PXDNL: variants seen among roughly 807,000 people sequenced by gnomAD.
The protein encoded by PXDNL is peroxidasin like.
PXDNL carries 145 observed loss-of-function variants against 150.8 expected under a neutral mutation model. That is an observed-to-expected ratio of 0.96 (90% CI 0.84 to 1.10). PXDNL has a LOEUF of 1.10. Ranked by LOEUF, PXDNL falls within the 50% of genes least tolerant of loss-of-function variation. The pLI, the probability that PXDNL is intolerant of heterozygous loss-of-function variation, is 0.00. For missense variants in PXDNL, 2,087 were observed against 1,873.9 expected (o/e 1.11, Z -2.10); for synonymous variants, 757 against 725.7 (o/e 1.04, Z -0.69).
chr8:51,380,775 A>G (rs548945250), intron 17 of PXDNL, among the ~76,000 whole-genome samples: 65 of 152,232 alleles, frequency 4.3e-4, no homozygotes, highest in Non-Finnish European at 6.3e-4. Context: ...TATTTTTGAG[A>G]TGTTCTTTAT....
chr8:51,507,314 C>T (rs957627337), intron 4 of PXDNL, among the ~76,000 whole-genome samples: 5 of 152,126 alleles, frequency 3.3e-5, no homozygotes, highest in African/African-American at 1.2e-4. Flanking sequence ...CAGTACTGAC[C>T]TAGATGCAAA....
intron 1 of PXDNL, among the ~76,000 whole-genome samples, chr8:51,796,777 C>T (rs555810165): frequency 6.6e-6 from 1 of 152,184 alleles, no homozygotes; most frequent in African/African-American, 2.4e-5. Context: ...TCTTCTGAAA[C>T]TATTCCAAAC....
At chr8:51,608,549 T>C (rs1042056698) in intron 2 of PXDNL, among the ~76,000 whole-genome samples, 4 of 146,398 alleles carry the variant, frequency 2.7e-5, no homozygotes, top group African/African-American at 1.1e-4. Context: ...AAAGAGAAAG[T>C]ATTGCAGGCC....
At chr8:51,564,204 T>C (rs987410024) in intron 3 of PXDNL, among the ~76,000 whole-genome samples, 1 of 151,962 alleles carries the variant, frequency 6.6e-6, no homozygotes, top group African/African-American at 2.4e-5. Context: ...GCAACAAAAG[T>C]ATATGACACA....
At chr8:51,363,680 A>G (rs1806826531) in intron 19 of PXDNL, among the ~76,000 whole-genome samples, 1 of 152,060 alleles carries the variant, frequency 6.6e-6, no homozygotes, top group Admixed American at 6.5e-5. Flanking sequence ...ATGTCTGTGG[A>G]TTTCATTTCT....
At chr8:51,614,131 G>GAATT (rs943774768) in intron 2 of PXDNL, among the ~76,000 whole-genome samples, 5 of 152,140 alleles carry the variant, frequency 3.3e-5, no homozygotes, top group Non-Finnish European at 7.3e-5. Context: ...ATAACTTTCA[G>GAATT]AATTATAGAA....
chr8:51,433,456 G>A (rs1347179691), intron 12 of PXDNL, among the ~76,000 whole-genome samples: 1 of 151,784 alleles, frequency 6.6e-6, no homozygotes, highest in African/African-American at 2.4e-5. Flanking sequence ...GGAGTCAGTG[G>A]GGCAATATTT....
chr8:51,623,088 A>G (rs543945176), intron 2 of PXDNL, among the ~76,000 whole-genome samples: 1 of 152,162 alleles, frequency 6.6e-6, no homozygotes. Flanking sequence ...TTAAAATTTC[A>G]ATTTTCAGTT....
At chr8:51,479,029 T>C (rs1273811934) in intron 6 of PXDNL, among the ~76,000 whole-genome samples, 1 of 152,240 alleles carries the variant, frequency 6.6e-6, no homozygotes, top group Non-Finnish European at 1.5e-5. Context: ...GTAAGGTGCA[T>C]ACTGGCACAT....
At position 51,536,815 on chromosome 8, in the gene PXDNL, C is replaced by G. The variant is rs113828653; in HGVS notation, c.380+20025G>C. 2.0e-3 allele frequency among the ~76,000 whole-genome samples: 303 copies of G among 152,278 alleles called. 1 individual carries two copies. The highest frequency in any genetic ancestry group is 6.7e-3 in the African/African-American group (279 of 41,554). On this transcript the variant is annotated intron_variant, in intron 4 of 22. Coordinates refer to ENST00000356297, the MANE Select transcript of PXDNL (RefSeq NM_144651.5). ...ACACAATTACATAAAAAATGAATGT[C>G]TGAGAAAGTGATTTTTGCAACAAAC...
At chr8:51,683,743 G>C (rs1159479743) in intron 1 of PXDNL, among the ~76,000 whole-genome samples, 1 of 152,054 alleles carries the variant, frequency 6.6e-6, no homozygotes, top group Non-Finnish European at 1.5e-5. Context: ...ATGCTTTCAG[G>C]CTGTCCTGAG....
intron 1 of PXDNL, among the ~76,000 whole-genome samples, chr8:51,663,118 G>A (rs1422390430): frequency 2.0e-5 from 3 of 152,198 alleles, no homozygotes; most frequent in African/African-American, 2.4e-5. Flanking sequence ...TAGAACTGAA[G>A]AAGTTAAGAC....
intron 1 of PXDNL, among the ~76,000 whole-genome samples, chr8:51,801,083 A>G (rs189583263): frequency 2.9e-4 from 44 of 152,342 alleles, no homozygotes; most frequent in African/African-American, 8.9e-4. Flanking sequence ...TAGGAGAAAT[A>G]TCACTAAATT....
chr8:51,472,242 A>G lies in PXDNL; in HGVS notation c.757T>C (p.Phe253Leu). Residue 253 changes from phenylalanine to leucine, a missense_variant, in exon 8 of 23, where the codon TTC (phenylalanine) becomes CTC (leucine). By Grantham distance (22) the Phe-to-Leu change is conservative. Transcript: ENST00000356297. ...GGGTTTCCTTCCGCCCGGCAGGTGA[A>G]GTAGACGGTATTTCCTGATGGTACC... is the stretch of plus-strand genomic sequence containing the variant. ...VEVPSGNTVY[F>L]TCRAEGNPKP... 5 of 1,613,840 alleles carry G rather than the reference A, an allele frequency of 3.1e-6. No individual in the cohort carries two copies. The highest frequency in any genetic ancestry group is 4.2e-6 in the Non-Finnish European group (5 of 1,179,790).
chr8:51,794,865 C>T (rs2037546191), intron 1 of PXDNL, among the ~76,000 whole-genome samples: 1 of 152,040 alleles, frequency 6.6e-6, no homozygotes, highest in South Asian at 2.1e-4. Flanking sequence ...CACAGAATGG[C>T]AAGCTGAATT....
At chr8:51,345,776 G>C in intron 20 of PXDNL, 57 bp downstream of exon 20, 1 of 1,032,124 alleles carries the variant, frequency 9.7e-7, no homozygotes, top group Non-Finnish European at 1.5e-6. Context: ...ACAAATTGTA[G>C]GTTTGAAGCA....
intron 1 of PXDNL, among the ~76,000 whole-genome samples, chr8:51,725,912 T>C (rs905727311): frequency 1.2e-4 from 18 of 152,244 alleles, no homozygotes; most frequent in Admixed American, 3.3e-4. Flanking sequence ...TAGGCTTAAG[T>C]GTGACCACTG....
rs145189170 is a variant in PXDNL, at chr8:51,490,676, A to G, written c.453-6962T>C. Reference sequence around the variant, plus strand: ...TATATACACATATATACATATATATACATATATACACATACAAATAGTTCA... The same window carrying G: ...TATATACACATATATACATATATATGCATATATACACATACAAATAGTTCA... On this transcript the variant is annotated intron_variant, in intron 5 of 22. Transcript: ENST00000356297. 1.8e-3 allele frequency among the ~76,000 whole-genome samples: 267 copies of G among 150,262 alleles called. 3 individuals are homozygous for G. The highest frequency in any genetic ancestry group is 0.012 in the Admixed American group (179 of 14,984).
intron 1 of PXDNL, among the ~76,000 whole-genome samples, chr8:51,743,473 C>T (rs1484510344): frequency 2.0e-5 from 3 of 152,126 alleles, no homozygotes; most frequent in African/African-American, 7.2e-5. Context: ...CCTCTACCTC[C>T]AGGGTTCAAG....
Sources: allele counts gnomAD v4.1 joint callset (sites outside exome capture counted in the v4.1 genomes callset), GRCh38; gene constraint gnomAD v4.1.1; transcripts MANE v1.5; gene names NCBI Gene and HGNC (gene_info 2026-07-23, HGNC 2026-07-21).